Variants in VCL observed in about 807,000 individuals in gnomAD.
VCL encodes vinculin.
A neutral mutation model predicts 125.7 loss-of-function variants in VCL; 47 were observed. The observed-to-expected ratio is 0.37, with a 90% CI of 0.30 to 0.48. The LOEUF (loss-of-function observed/expected upper bound fraction) is 0.48, where lower values mean the gene tolerates loss of function less well. Ranked by LOEUF, VCL falls within the 20% of genes least tolerant of loss-of-function variation. The probability of loss-of-function intolerance (pLI) is 0.99; values close to 1 mark genes in which losing one functional copy is unlikely to be tolerated. For synonymous variants in VCL, 458 were observed against 514.6 expected, an observed-to-expected ratio of 0.89 and a Z score of 1.49; for missense variants, 1,069 against 1,455.5, an observed-to-expected ratio of 0.73 and a Z score of 4.32.
At position 74,114,321 on chromosome 10, in the gene VCL, G is replaced by A. The variant is rs1395250551; in HGVS notation, c.3087G>A (p.Val1029=). 6.2e-7 allele frequency: 1 copy of A among 1,614,024 alleles called. No homozygotes were observed. The highest frequency in any genetic ancestry group is 1.1e-5 in the South Asian group (1 of 91,064). The change falls in exon 20 of 22, where the codon GTG becomes GTA. Residue 1029 remains valine (V), a synonymous_variant. Transcript: ENST00000211998. ...ACATCGCCAAGGCCTCAGATGAGGT[G>A]ACTCGGTTGGCCAAGGAGGTTGCCA... The part of the protein sequence containing the change: ...AKDIAKASDE[V]TRLAKEVAKQ...
chr10:74,095,925 G>A, intron 12 of VCL, 70 bp downstream of exon 12: 1 of 1,558,842 alleles, frequency 6.4e-7, no homozygotes, highest in Admixed American at 1.7e-5. Flanking sequence ...GGAAGGAAGA[G>A]AGAGTTTTGA....
chr10:74,000,440 G>C (rs1355208751), intron 1 of VCL, among the ~76,000 whole-genome samples: 2 of 151,816 alleles, frequency 1.3e-5, no homozygotes, highest in Non-Finnish European at 2.9e-5. Flanking sequence ...TTTTGAGATG[G>C]AGTCTTCCTC....
chr10:74,068,012 A>G (rs1841600735), intron 2 of VCL, among the ~76,000 whole-genome samples: 2 of 152,390 alleles, frequency 1.3e-5, no homozygotes, highest in South Asian at 4.1e-4. Context: ...AATTGAAAAG[A>G]AACTATGTTT....
chr10:74,033,342 G>A (rs1020941383), intron 1 of VCL, among the ~76,000 whole-genome samples: 1 of 152,200 alleles, frequency 6.6e-6, no homozygotes, highest in Admixed American at 6.5e-5. Flanking sequence ...AAGATTAGGT[G>A]GTGGTGAGGA....
At chr10:74,009,420 G>A (rs542657044) in intron 1 of VCL, among the ~76,000 whole-genome samples, 10 of 151,552 alleles carry the variant, frequency 6.6e-5, no homozygotes, top group Non-Finnish European at 1.0e-4. Context: ...CACCACGCCC[G>A]GCTAATTTTT....
intron 1 of VCL, among the ~76,000 whole-genome samples, chr10:74,037,548 C>A (rs891908949): frequency 6.6e-6 from 1 of 152,370 alleles, no homozygotes; most frequent in African/African-American, 2.4e-5. Flanking sequence ...ATAATCCTCT[C>A]TGCCTTCACT....
At chr10:74,049,880 G>T (rs149582101) in intron 2 of VCL, among the ~76,000 whole-genome samples, 2 of 152,348 alleles carry the variant, frequency 1.3e-5, no homozygotes, top group East Asian at 3.9e-4. Context: ...TTTTCTGTCA[G>T]TGTAGATTTG....
chr10:74,106,056 G>A (rs1026510297), intron 16 of VCL, among the ~76,000 whole-genome samples: 1 of 151,310 alleles, frequency 6.6e-6, no homozygotes, highest in Middle Eastern at 3.4e-3. Context: ...GAGTAGCTGG[G>A]ATTACAGGCT....
At chr10:74,018,192 AT>A (rs1840593356) in intron 1 of VCL, among the ~76,000 whole-genome samples, 1 of 139,608 alleles carries the variant, frequency 7.2e-6, no homozygotes, top group African/African-American at 2.6e-5. Context: ...ATATATATAT[AT>A]ATATATATAA....
At position 74,114,178 on chromosome 10, in the gene VCL, C is replaced by T. The variant is rs771375471; in HGVS notation, c.2950-6C>T. 5.5e-5 allele frequency: 88 copies of T among 1,612,824 alleles called. No individual in the cohort carries two copies. Among genetic ancestry groups the T allele is most frequent in the Non-Finnish European group, 7.4e-5 (87 of 1,180,002 alleles). The stretch of plus-strand genomic sequence containing the variant: ...GAGCTCACACTGTATCTTTGCTTCC[C>T]TCTAGGGCAATGACATCATTGCAGC... On this transcript the variant is annotated splice_region_variant and splice_polypyrimidine_tract_variant and intron_variant, in intron 19 of 21. Transcript: ENST00000211998.
In VCL at chr10:74,009,221, C is replaced by CT. The variant is rs1188521082; in HGVS notation, c.168+10846_168+10847insT. Among the ~76,000 whole-genome samples, 61 of 112,212 alleles carry CT rather than the reference C, an allele frequency of 5.4e-4. 1 individual carries two copies. The highest frequency in any genetic ancestry group is 6.6e-4 in the Admixed American group (8 of 12,106). 73.6% of individuals were successfully genotyped at this position (112,212 alleles called of 152,430 possible). On this transcript the variant is annotated intron_variant, in intron 1 of 21. Transcript: ENST00000211998. ...TGTCTAGGTGGCTGCTGCTTTCCCC[C>CT]CCCCCCCCCGAGCCATTTTAGTATT...
At chr10:74,116,709 A>T (rs1453062774) in intron 21 of VCL, among the ~76,000 whole-genome samples, 1 of 151,644 alleles carries the variant, frequency 6.6e-6, no homozygotes, top group Non-Finnish European at 1.5e-5. Flanking sequence ...TAATAATAAA[A>T]TAAAATAAAA....
chr10:74,105,235 G>A lies in VCL; in HGVS notation c.2316G>A (p.Glu772=). The change falls in exon 16 of 22, where the codon GAG becomes GAA. Residue 772 remains glutamate, a synonymous_variant. Coordinates refer to ENST00000211998, the MANE Select transcript of VCL (RefSeq NM_014000.3). The part of the protein sequence containing the change: ...RILLVAKREV[E]NSEDPKFREA... ...TGCTGGTGGCTAAGAGGGAGGTGGA[G>A]AATTCCGAGGATCCCAAGTTCCGTG... The A allele has an allele frequency of 6.2e-7, 1 of 1,614,144 alleles. No homozygotes were observed. Among genetic ancestry groups the A allele is most frequent in the Non-Finnish European group, 8.5e-7 (1 of 1,180,040 alleles).
rs1467598973 is a variant in VCL at position 74,070,699 on chromosome 10, A to G, written c.269A>G (p.Gln90Arg). 1 of 1,614,162 alleles carries G rather than the reference A, an allele frequency of 6.2e-7. No homozygotes were observed. The highest frequency in any genetic ancestry group is 8.5e-7 in the Non-Finnish European group (1 of 1,180,010). The change falls in exon 3 of 22, where the codon CAG (glutamine) becomes CGG (arginine). Residue 90 changes from glutamine (Q) to arginine (R), a missense_variant. By Grantham distance (43) the Gln-to-Arg change is conservative. Coordinates refer to ENST00000211998, the MANE Select transcript of VCL (RefSeq NM_014000.3). ...GAGAATGCTTGCACCAAGCTTGTCC[A>G]GGCAGCTCAGATGCTTCAGTCAGAC... ...KVENACTKLVQAAQMLQSDPY... is the reference protein window; with the variant it reads ...KVENACTKLVRAAQMLQSDPY...
intron 2 of VCL, among the ~76,000 whole-genome samples, chr10:74,054,548 C>T (rs1293737889): frequency 6.6e-6 from 1 of 152,168 alleles, no homozygotes; most frequent in Non-Finnish European, 1.5e-5. Context: ...GTTGCCACGC[C>T]TGTAACTCTT....
At position 74,012,707 on chromosome 10, in the gene VCL, A is replaced by G. The variant is rs551174025; in HGVS notation, c.168+14332A>G. Among the ~76,000 whole-genome samples the G allele has an allele frequency of 2.0e-5, 3 of 152,224 alleles. No individual in the cohort carries two copies. In the East Asian group the frequency reaches 5.8e-4, roughly 29 times the overall value. Reference sequence around the variant, plus strand: ...CCTAGTTAGGAAGAGACCTTTGAGCATTGGCCTCAGCTGCTTTCTGCTTGT... The same window carrying G: ...CCTAGTTAGGAAGAGACCTTTGAGCGTTGGCCTCAGCTGCTTTCTGCTTGT... On this transcript the variant is annotated intron_variant, in intron 1 of 21. Coordinates refer to ENST00000211998, the MANE Select transcript of VCL (RefSeq NM_014000.3).
At chr10:74,120,386 G>A (rs1303219635), downstream of VCL, 1 of 152,250 alleles carries the variant, frequency 6.6e-6, no homozygotes, top group Admixed American at 6.5e-5. Context: ...AGGAATGGAA[G>A]TGGCAAAGGT....
intron 1 of VCL, among the ~76,000 whole-genome samples, chr10:74,029,303 C>T (rs1287116079): frequency 5.3e-5 from 8 of 150,624 alleles, no homozygotes; most frequent in Admixed American, 2.0e-4. Context: ...TTAGTAGAGA[C>T]GGGGTTTCAC....
intron 8 of VCL, 73 bp from the exon 9 acceptor site, chr10:74,089,123 C>T: frequency 6.3e-7 from 1 of 1,598,664 alleles, no homozygotes; most frequent in Non-Finnish European, 8.5e-7. Context: ...ACCACATGTA[C>T]TGTGCTATTG....
Sources: gnomAD v4.1 joint callset for allele counts (sites outside exome capture counted in the v4.1 genomes callset) on GRCh38, gnomAD v4.1.1 for gene constraint, MANE v1.5 for transcripts, NCBI Gene and HGNC (gene_info 2026-07-23, HGNC 2026-07-21) for gene names.